Variants in RNF212 observed in about 807,000 individuals in gnomAD.
RNF212 encodes the protein ring finger protein 212, also known as probable E3 SUMO-protein ligase RNF212.
A neutral mutation model predicts 34.7 loss-of-function variants in RNF212; 33 were observed. The ratio of observed to expected loss-of-function variants is 0.95; its 90% CI spans 0.72 to 1.27. The LOEUF (loss-of-function observed/expected upper bound fraction) is 1.27, where lower values mean the gene tolerates loss of function less well. RNF212 is among the 50% of genes most tolerant of loss of function. The probability of loss-of-function intolerance (pLI) is 0.00; values close to 1 mark genes in which losing one functional copy is unlikely to be tolerated. For synonymous variants in RNF212, 140 were observed against 136.1 expected (o/e 1.03, Z -0.20); for missense variants, 377 against 362.2 (o/e 1.04, Z -0.33).
chr4:1,100,257 ATTG>A (rs1414593347), intron 2 of RNF212: 4 of 274,952 alleles, frequency 1.5e-5, no homozygotes, highest in Non-Finnish European at 2.8e-5. Context: ...TTCTGAAATT[ATTG>A]TTAAGACCCA....
At chr4:1,111,972 G>A (rs1725736955) in intron 1 of RNF212, among the ~76,000 whole-genome samples, 1 of 152,348 alleles carries the variant, frequency 6.6e-6, no homozygotes, top group Non-Finnish European at 1.5e-5. Flanking sequence ...CATTTCGGGA[G>A]GCCAAGGCCG....
chr4:1,068,039 C>A (rs1718204696), downstream of RNF212, among the ~76,000 whole-genome samples: 1 of 151,520 alleles, frequency 6.6e-6, no homozygotes, highest in African/African-American at 2.4e-5. Flanking sequence ...GATGGCAATT[C>A]TCCCCACACC....
intron 8 of RNF212, among the ~76,000 whole-genome samples, chr4:1,076,572 T>G (rs932646477): frequency 3.3e-5 from 5 of 152,198 alleles, no homozygotes; most frequent in African/African-American, 4.8e-5. Context: ...CAACAGGTGG[T>G]GTCCCAGAAC....
intron 9 of RNF212, among the ~76,000 whole-genome samples, 172 bp from the exon 10 acceptor site, chr4:1,073,365 G>T (rs1226214556): frequency 6.6e-6 from 1 of 152,118 alleles, no homozygotes; most frequent in Non-Finnish European, 1.5e-5. Context: ...AGAGGACATA[G>T]AATGCAAAGG....
intron 7 of RNF212, among the ~76,000 whole-genome samples, 162 bp downstream of exon 7, chr4:1,081,257 C>T (rs998973057): frequency 6.6e-6 from 1 of 150,790 alleles, no homozygotes; most frequent in Non-Finnish European, 1.5e-5. Flanking sequence ...ACCTGAGCCT[C>T]GCAGGGAGAT....
At chr4:1,058,375 C>T (rs949197458) in exon 4 of RNF212, 6 of 983,454 alleles carry the variant, frequency 6.1e-6, no homozygotes, top group Non-Finnish European at 7.3e-6. Context: ...ATGCTCGGGG[C>T]CCAGGGAGGA....
downstream of RNF212, among the ~76,000 whole-genome samples, chr4:1,070,710 G>C (rs1160308670): frequency 2.0e-5 from 3 of 152,232 alleles, no homozygotes; most frequent in African/African-American, 7.2e-5. Context: ...TGCCTGGCCA[G>C]AGTTACAGGT....
At chr4:1,092,070 A>G (rs1437629775) in intron 3 of RNF212, among the ~76,000 whole-genome samples, 1 of 152,204 alleles carries the variant, frequency 6.6e-6, no homozygotes, top group African/African-American at 2.4e-5. Context: ...AGCCACACTC[A>G]ATTGTGCCTG....
chr4:1,062,011 G>A (rs1044109953), intron 3 of RNF212, among the ~76,000 whole-genome samples: 4 of 152,176 alleles, frequency 2.6e-5, no homozygotes, highest in African/African-American at 7.2e-5. Flanking sequence ...TACCGTAAAT[G>A]AGCCAAAGAA....
At chr4:1,060,870 T>C (rs1717704316) in intron 3 of RNF212, among the ~76,000 whole-genome samples, 1 of 152,216 alleles carries the variant, frequency 6.6e-6, no homozygotes, top group Non-Finnish European at 1.5e-5. Context: ...CACTCCAGCA[T>C]GTGAGGGGTC....
intron 4 of RNF212, among the ~76,000 whole-genome samples, chr4:1,088,871 T>C (rs1014614319): frequency 6.6e-6 from 1 of 152,184 alleles, no homozygotes; most frequent in African/African-American, 2.4e-5. Flanking sequence ...TGGGCCTGCA[T>C]GTGTGCAGAG....
At chr4:1,089,697 A>C (rs1721879271) in intron 4 of RNF212, among the ~76,000 whole-genome samples, 1 of 144,820 alleles carries the variant, frequency 6.9e-6, no homozygotes, top group South Asian at 2.1e-4. Flanking sequence ...TCCGGTGGGA[A>C]GTGATTGGAT....
rs1718675877 is a variant in RNF212 at position 1,072,973 on chromosome 4, A to T, written c.795T>A (p.Phe265Leu). The T allele has an allele frequency of 6.2e-7, 1 of 1,614,212 alleles. No homozygotes were observed. The highest frequency in any genetic ancestry group is 1.3e-5 in the African/African-American group (1 of 75,056). Residue 265 changes from phenylalanine (F) to leucine (L), a missense_variant, in exon 10 of 10, where the codon TTT becomes TTA. By Grantham distance (22) the Phe-to-Leu change is conservative. Transcript: ENST00000433731. ...IYAEVQRAVL[F>L]PFQQAEGTLD... The stretch of plus-strand genomic sequence containing the variant: ...GGGTGCCCTCAGCCTGCTGGAACGG[A>T]AACAAGACGGCCCTTTGTACCTCAG...
At chr4:1,097,396 A>G (rs1402397083) in intron 2 of RNF212, among the ~76,000 whole-genome samples, 5 of 151,190 alleles carry the variant, frequency 3.3e-5, no homozygotes, top group Non-Finnish European at 1.5e-5. Flanking sequence ...CAAGGTCAGG[A>G]GATCGAGACC....
At chr4:1,094,561 G>A (rs956727202) in intron 3 of RNF212, among the ~76,000 whole-genome samples, 1 of 152,130 alleles carries the variant, frequency 6.6e-6, no homozygotes, top group African/African-American at 2.4e-5. Flanking sequence ...TGCCACAGCA[G>A]GGGCTCAGCT....
chr4:1,113,336 T>TGCGTTCGG lies in RNF212; in HGVS notation c.109+12_109+19dup. The TGCGTTCGG allele has an allele frequency of 5.8e-6, 7 of 1,211,602 alleles. No homozygotes were observed. The highest frequency in any genetic ancestry group is 2.3e-5 in the African/African-American group (1 of 42,780). The allele number at this position is 1,211,602 out of a possible 1,614,324, so 75.1% of individuals were successfully genotyped here. On this transcript the variant is annotated intron_variant, in intron 1 of 9. Coordinates refer to ENST00000433731, the MANE Select transcript of RNF212 (RefSeq NM_001131034.4). The stretch of plus-strand genomic sequence containing the variant: ...TGCCGCTCCCCTCCCCTCTCCAGCC[T>TGCGTTCGG]GCGTTCGGGAAGCCCTGACCTTTGC...
intron 4 of RNF212, among the ~76,000 whole-genome samples, chr4:1,089,549 G>A (rs1256214166): frequency 1.3e-5 from 2 of 152,196 alleles, no homozygotes; most frequent in African/African-American, 4.8e-5. Flanking sequence ...GGGGACTGCT[G>A]GGAAGGTATG....
At chr4:1,108,653 A>C (rs1725185923) in intron 1 of RNF212, among the ~76,000 whole-genome samples, 1 of 152,340 alleles carries the variant, frequency 6.6e-6, no homozygotes, top group Admixed American at 6.5e-5. Flanking sequence ...ACTTAAGGCT[A>C]AGTCTATCCC....
At chr4:1,073,514 ACAG>A in intron 9 of RNF212, 82 bp downstream of exon 9, 3 of 1,088,718 alleles carry the variant, frequency 2.8e-6, no homozygotes, top group Non-Finnish European at 4.2e-6. Flanking sequence ...GTAGGTTCTG[ACAG>A]CTTTGATTAA....
Sources: allele counts gnomAD v4.1 joint callset (sites outside exome capture counted in the v4.1 genomes callset), GRCh38; gene constraint gnomAD v4.1.1; transcripts MANE v1.5; gene names NCBI Gene and HGNC (gene_info 2026-07-23, HGNC 2026-07-21).